EYA2: variants seen among roughly 807,000 people sequenced by gnomAD.
The protein encoded by EYA2 is protein phosphatase EYA2.
Under a neutral mutation model 69.2 loss-of-function variants are expected in EYA2, and 31 were observed. The observed-to-expected ratio is 0.45, with a 90% CI of 0.34 to 0.60. EYA2 has a LOEUF of 0.60. Ranked by LOEUF, EYA2 falls within the 20% of genes least tolerant of loss-of-function variation. EYA2 has a pLI of 0.02. For synonymous variants in EYA2, 257 were observed against 279.4 expected (o/e 0.92, Z 0.80); for missense variants, 622 against 701.2 (o/e 0.89, Z 1.28).
intron 10 of EYA2, among the ~76,000 whole-genome samples, chr20:47,153,812 A>G (rs2033869932): frequency 6.6e-6 from 1 of 152,000 alleles, no homozygotes; most frequent in Non-Finnish European, 1.5e-5. Context: ...TTGGGATCAG[A>G]GGACCTAAGT....
chr20:46,921,821 C>G (rs1485089235), intron 1 of EYA2, among the ~76,000 whole-genome samples: 2 of 152,210 alleles, frequency 1.3e-5, no homozygotes, highest in African/African-American at 4.8e-5. Context: ...ATGTGTTATT[C>G]CCTTATATTA....
intron 2 of EYA2, among the ~76,000 whole-genome samples, chr20:46,991,082 C>T (rs554633078): frequency 1.3e-5 from 2 of 152,232 alleles, no homozygotes; most frequent in Admixed American, 6.5e-5. Flanking sequence ...GAAGAACATA[C>T]CCTCATTCTT....
intron 1 of EYA2, among the ~76,000 whole-genome samples, chr20:46,925,269 A>G (rs1300938563): frequency 1.3e-5 from 2 of 152,184 alleles, no homozygotes; most frequent in Admixed American, 6.5e-5. Context: ...GCGGAACACA[A>G]TTCAATCCAT....
At chr20:47,149,958 G>A (rs1600745686) in intron 10 of EYA2, among the ~76,000 whole-genome samples, 1 of 152,204 alleles carries the variant, frequency 6.6e-6, no homozygotes, top group African/African-American at 2.4e-5. Flanking sequence ...CCTTGCCTTA[G>A]CAGGCAATCT....
chr20:46,925,426 A>T (rs1057381258), intron 1 of EYA2, among the ~76,000 whole-genome samples: 1 of 152,252 alleles, frequency 6.6e-6, no homozygotes, highest in African/African-American at 2.4e-5. Context: ...TTTGCAGTTC[A>T]TATGACAAAA....
Position 47,096,959 on chromosome 20 carries a change from T to C in EYA2, c.805-126T>C, listed in dbSNP as rs550624617. 375 of 726,522 alleles carry C rather than the reference T, an allele frequency of 5.2e-4. 1 individual carries two copies. Among genetic ancestry groups the C allele is most frequent in the Non-Finnish European group, 7.6e-4 (318 of 420,014 alleles). The allele number at this position is 726,522 out of a possible 1,614,324, so 45.0% of individuals were successfully genotyped here. A position where few individuals can be genotyped will look rare whatever the true frequency, so the allele number is the denominator to read the frequency against. On this transcript the variant is annotated intron_variant, in intron 8 of 15. Transcript: ENST00000327619. ...ATTCATGACACATCAGTGAGTTACA[T>C]GTTTTGTAACTAAAGATAATGTTTT...
intron 1 of EYA2, among the ~76,000 whole-genome samples, chr20:46,897,828 G>A (rs1396862622): frequency 6.6e-6 from 1 of 152,114 alleles, no homozygotes; most frequent in Non-Finnish European, 1.5e-5. Flanking sequence ...TTGCGACTGG[G>A]GTAGAGTTTT....
chr20:47,015,423 G>A (rs1360799697), intron 4 of EYA2, among the ~76,000 whole-genome samples: 1 of 152,142 alleles, frequency 6.6e-6, no homozygotes, highest in Non-Finnish European at 1.5e-5. Context: ...GGGATTAGCA[G>A]GTCCCCCCGT....
intron 4 of EYA2, among the ~76,000 whole-genome samples, chr20:47,006,290 C>T (rs898191179): frequency 3.3e-5 from 5 of 152,190 alleles, no homozygotes; most frequent in African/African-American, 1.2e-4. Context: ...GTCAGCCTCA[C>T]CCAAAACAAC....
chr20:47,147,433 A>G (rs978357332), intron 10 of EYA2, among the ~76,000 whole-genome samples: 15 of 152,126 alleles, frequency 9.9e-5, no homozygotes. Flanking sequence ...AGTGTTCCAG[A>G]TAGAAGCACT....
chr20:47,164,300 G>A (rs1229884351), intron 10 of EYA2, among the ~76,000 whole-genome samples: 1 of 152,144 alleles, frequency 6.6e-6, no homozygotes, highest in Admixed American at 6.5e-5. Flanking sequence ...AGTCCGAAAT[G>A]TGATTGCTAC....
At chr20:47,113,966 G>A (rs560820545) in intron 9 of EYA2, among the ~76,000 whole-genome samples, 1 of 152,202 alleles carries the variant, frequency 6.6e-6, no homozygotes, top group East Asian at 1.9e-4. Context: ...CAGTGGCTGG[G>A]ATCACCACAT....
intron 1 of EYA2, among the ~76,000 whole-genome samples, chr20:46,905,746 C>G (rs1225928630): frequency 6.6e-6 from 1 of 152,148 alleles, no homozygotes. Flanking sequence ...TCGGGCAGAT[C>G]ACAAGAGCCC....
chr20:46,980,431 A>T (rs920665205), intron 1 of EYA2, among the ~76,000 whole-genome samples: 2 of 151,904 alleles, frequency 1.3e-5, no homozygotes, highest in Non-Finnish European at 2.9e-5. Context: ...TAAGACAAAA[A>T]ACTCGCTGTG....
intron 9 of EYA2, among the ~76,000 whole-genome samples, chr20:47,108,738 A>AT (rs1269506147): frequency 2.0e-5 from 3 of 150,974 alleles, no homozygotes; most frequent in East Asian, 1.9e-4. Flanking sequence ...TGCCCAGCTA[A>AT]TTTTTTTTGA....
chr20:47,069,097 A>G (rs1315187375), intron 5 of EYA2, among the ~76,000 whole-genome samples: 2 of 152,266 alleles, frequency 1.3e-5, no homozygotes, highest in African/African-American at 2.4e-5. Context: ...ATTCCTACCA[A>G]AATCCCAGAT....
intron 1 of EYA2, among the ~76,000 whole-genome samples, chr20:46,980,996 A>G (rs1980798246): frequency 6.6e-6 from 1 of 152,104 alleles, no homozygotes; most frequent in Admixed American, 6.5e-5. Context: ...TTCTTTATCC[A>G]TCCATCAATT....
intron 1 of EYA2, among the ~76,000 whole-genome samples, chr20:46,988,299 C>A: frequency 6.6e-6 from 1 of 151,804 alleles, no homozygotes; most frequent in East Asian, 1.9e-4. Context: ...ATTTAAGTTG[C>A]TATTAAAATA....
At chr20:47,168,806 G>A (rs1472707360) in intron 10 of EYA2, among the ~76,000 whole-genome samples, 2 of 152,180 alleles carry the variant, frequency 1.3e-5, no homozygotes, top group African/African-American at 2.4e-5. Context: ...GGGAAGCTGG[G>A]GACCTAGGGG....
Sources: gnomAD v4.1 joint callset for allele counts (sites outside exome capture counted in the v4.1 genomes callset) on GRCh38, gnomAD v4.1.1 for gene constraint, MANE v1.5 for transcripts, NCBI Gene and HGNC (gene_info 2026-07-23, HGNC 2026-07-21) for gene names.